GFI1B: variants seen among roughly 807,000 people sequenced by gnomAD.
GFI1B encodes zinc finger protein Gfi-1b.
Under a neutral mutation model 35.3 loss-of-function variants are expected in GFI1B, and 20 were observed. The ratio of observed to expected loss-of-function variants is 0.57; its 90% CI spans 0.40 to 0.82. GFI1B has a LOEUF of 0.82. Among genes scored for constraint, GFI1B ranks in the 40% least tolerant of loss-of-function variants. The pLI, the probability that GFI1B is intolerant of heterozygous loss-of-function variation, is 0.00. For missense variants in GFI1B, 430 were observed against 446.3 expected (o/e 0.96, Z 0.33); for synonymous variants, 178 against 177.6 (o/e 1.00, Z -0.02).
intron 2 of GFI1B, 105 bp from the exon 3 acceptor site, chr9:132,987,177 T>C (rs959804230): frequency 1.6e-6 from 2 of 1,251,168 alleles, no homozygotes; most frequent in Non-Finnish European, 2.3e-6. Context: ...GGCACGTGGC[T>C]GTCTCTCTGG....
chr9:132,971,051 A>C (rs1366768161), intron 1 of GFI1B, among the ~76,000 whole-genome samples: 3 of 152,192 alleles, frequency 2.0e-5, no homozygotes, highest in Admixed American at 2.0e-4. Context: ...TCTGCTGAGA[A>C]ATAATAACTC....
chr9:132,993,165 G>A (rs147870283), downstream of GFI1B, among the ~76,000 whole-genome samples: 459 of 152,224 alleles, frequency 3.0e-3, 6 homozygotes, highest in African/African-American at 0.01. Flanking sequence ...ATGGTGGCGC[G>A]TGCCTGTAAA....
In GFI1B at chr9:132,991,451, G is replaced by T; in HGVS notation, c.*401G>T. The stretch of plus-strand genomic sequence containing the variant: ...TGGGACCTGGTCACCTTGGATTTTA[G>T]CCGGCCTCTTTCTGGCTATAACAGG... On this transcript the variant is annotated 3_prime_UTR_variant, in exon 7 of 7. Transcript: ENST00000372122. 4.4e-6 allele frequency: 1 copy of T among 225,274 alleles called. No individual in the cohort carries two copies. The allele number at this position is 225,274 out of a possible 1,614,324, so 14.0% of individuals were successfully genotyped here. A position where few individuals can be genotyped will look rare whatever the true frequency, so the allele number is the denominator to read the frequency against.
intron 1 of GFI1B, among the ~76,000 whole-genome samples, chr9:132,979,725 A>G (rs576295061): frequency 9.9e-5 from 15 of 151,994 alleles, no homozygotes; most frequent in East Asian, 3.9e-4. Context: ...ATTTTTGGAG[A>G]AAAAAAACCA....
In GFI1B at chr9:132,971,755, C is replaced by A. The variant is rs184864158; in HGVS notation, c.-700-970C>A. On this transcript the variant is annotated intron_variant, in intron 1 of 10. Coordinates refer to the GFI1B transcript ENST00000339463. ...TTGGGAGGCTGAGGCTGGCAGATCC[C>A]TTGAGGTCAGGAGTTCGAGACCAGC... 8.0e-4 allele frequency among the ~76,000 whole-genome samples: 122 copies of A among 152,210 alleles called. 2 individuals carry two copies. Among genetic ancestry groups the A allele is most frequent in the African/African-American group, 2.5e-3 (105 of 41,548 alleles).
intron 1 of GFI1B, 86 bp from the exon 2 acceptor site, chr9:132,986,573 T>C (rs1849069195): frequency 1.4e-6 from 1 of 737,326 alleles, no homozygotes; most frequent in Admixed American, 2.0e-5. Flanking sequence ...GTATAGCTGG[T>C]GTTTTATCTC....
intron 1 of GFI1B, among the ~76,000 whole-genome samples, chr9:132,956,506 C>T (rs3011289): frequency 0.67 from 102,109 of 152,046 alleles, 34,338 homozygotes; most frequent in South Asian, 0.77. Flanking sequence ...CAGACAGAGA[C>T]TCCAGGAACC....
At position 132,988,434 on chromosome 9, in the gene GFI1B, G is replaced by T; in HGVS notation, c.476G>T (p.Gly159Val). ...GACTTCAGCCTCCGCTACTCCCCAG[G>T]CATGGATGCGTACCACTGTGTGAAG... ...ALDFSLRYSP[G>V]MDAYHCVKCN... is the part of the protein sequence containing the mutation. The change falls in exon 4 of 7, where the codon GGC becomes GTC. Residue 159 changes from glycine (G) to valine (V), a missense_variant. Coordinates refer to ENST00000372122, the MANE Select transcript of GFI1B (RefSeq NM_001377304.1). The T allele has an allele frequency of 6.2e-7, 1 of 1,613,924 alleles. No individual in the cohort carries two copies. Among genetic ancestry groups the T allele is most frequent in the Non-Finnish European group, 8.5e-7 (1 of 1,180,022 alleles).
chr9:132,961,733 A>G (rs2132596068), intron 1 of GFI1B, among the ~76,000 whole-genome samples: 1 of 152,072 alleles, frequency 6.6e-6, no homozygotes, highest in Non-Finnish European at 1.5e-5. Context: ...CTGGGACTAC[A>G]GGTGCCCGCC....
intron 1 of GFI1B, chr9:132,946,942 G>A (rs920854962): frequency 2.0e-5 from 3 of 152,488 alleles, no homozygotes; most frequent in African/African-American, 7.2e-5. Flanking sequence ...GGGCTTGCAA[G>A]AAGAGGCTGA....
At chr9:132,973,781 G>C (rs543666660), upstream of GFI1B, among the ~76,000 whole-genome samples, 1 of 152,278 alleles carries the variant, frequency 6.6e-6, no homozygotes, top group East Asian at 1.9e-4. Flanking sequence ...GGCTCCAAAC[G>C]CCTCTCTGGC....
upstream of GFI1B, chr9:132,974,879 T>C (rs1431542781): frequency 6.6e-6 from 1 of 152,210 alleles, no homozygotes; most frequent in Non-Finnish European, 1.5e-5. Context: ...CCAGACAGTA[T>C]CATTTGAGCA....
At chr9:132,987,831 C>T (rs1849130846) in intron 3 of GFI1B, among the ~76,000 whole-genome samples, 1 of 151,910 alleles carries the variant, frequency 6.6e-6, no homozygotes, top group Non-Finnish European at 1.5e-5. Context: ...GAAGGGGGTG[C>T]CCTGTGTTTA....
Position 132,989,957 on chromosome 9 carries a change from T to G in GFI1B, c.814+50T>G. 6.5e-7 allele frequency: 1 copy of G among 1,539,864 alleles called. No homozygotes were observed. Among genetic ancestry groups the G allele is most frequent in the African/African-American group, 1.4e-5 (1 of 73,664 alleles). ...CCCCCTGGGCAGAGCACCCCCACCT[T>G]TCCCTGAGAGATGCATCAGAGGCCC... On this transcript the variant is annotated intron_variant, in intron 6 of 6. Coordinates refer to ENST00000372122, the MANE Select transcript of GFI1B (RefSeq NM_001377304.1). The surrounding 1 kb of genome is among the most constrained non-coding windows in gnomAD (Gnocchi z 6.2).
rs140318535 is a variant in GFI1B, at chr9:132,971,067, T to C, written c.-700-1658T>C. Among the ~76,000 whole-genome samples, 75 of 152,320 alleles carry C rather than the reference T, an allele frequency of 4.9e-4. No individual in the cohort carries two copies. In the East Asian group the frequency reaches 0.014, roughly 29 times the overall value. On this transcript the variant is annotated intron_variant, in intron 1 of 10. Transcript: ENST00000339463. ...CTGCTGAGAAATAATAACTCACTAT[T>C]TTGCCCAGGCCAGTCTTGAACTCCT...
Position 132,988,410 on chromosome 9 carries a change from A to G in GFI1B, c.452A>G (p.Asp151Gly). The G allele has an allele frequency of 6.2e-7, 1 of 1,614,070 alleles. No individual in the cohort carries two copies. ...GTGCCCAGCACTGAGCCCGCCTTGG[A>G]CTTCAGCCTCCGCTACTCCCCAGGC... The part of the protein sequence containing the change: ...PLVPSTEPAL[D>G]FSLRYSPGMD... Residue 151 changes from aspartate to glycine, a missense_variant, in exon 4 of 7, where the codon GAC becomes GGC. Physicochemically the swap from Asp to Gly is moderately conservative, Grantham distance 94. Transcript: ENST00000372122.
At chr9:132,970,345 G>A (rs368980849) in intron 1 of GFI1B, among the ~76,000 whole-genome samples, 1 of 152,148 alleles carries the variant, frequency 6.6e-6, no homozygotes, top group African/African-American at 2.4e-5. Flanking sequence ...AGTACCTGCT[G>A]GGGGTGCTAC....
At position 132,981,985 on chromosome 9, in the gene GFI1B, T is replaced by G. The variant is rs371849848; in HGVS notation, c.-21+3144T>G. On this transcript the variant is annotated intron_variant, in intron 1 of 6. Transcript: ENST00000372122. ...CCAGGCTGGTCTTGAACTCCTGACT[T>G]CAGGTGATCCGCCTGCCTTGGCCTC... Among the ~76,000 whole-genome samples the G allele has an allele frequency of 1.1e-4, 16 of 152,312 alleles. No homozygotes were observed. In the East Asian group the frequency reaches 2.1e-3, roughly 20 times the overall value.
upstream of GFI1B, chr9:132,975,110 A>T (rs902747264): frequency 6.6e-6 from 1 of 152,164 alleles, no homozygotes; most frequent in East Asian, 1.9e-4. Context: ...ACTTCCTGCA[A>T]CTCGCATCTG....
Sources: gnomAD v4.1 joint callset for allele counts (sites outside exome capture counted in the v4.1 genomes callset) on GRCh38, gnomAD v4.1.1 for gene constraint, Gnocchi (gnomAD v3.1) non-coding constraint, MANE v1.5 for transcripts, NCBI Gene and HGNC (gene_info 2026-07-23, HGNC 2026-07-21) for gene names.